Variants in TEX9 observed in about 807,000 individuals in gnomAD.
TEX9 encodes the protein testis-expressed protein 9.
TEX9 carries 74 observed loss-of-function variants against 59.6 expected under a neutral mutation model. That is an observed-to-expected ratio of 1.24 (90% CI 1.03 to 1.51). TEX9 has a LOEUF of 1.51. TEX9 is among the 40% of genes most tolerant of loss of function. The pLI is 0.00. For synonymous variants in TEX9, 186 were observed against 152.2 expected (o/e 1.22, Z -1.64); for missense variants, 522 against 447.8 (o/e 1.17, Z -1.49).
intron 7 of TEX9, 92 bp from the exon 8 acceptor site, chr15:56,394,073 A>G: frequency 1.7e-6 from 2 of 1,205,546 alleles, no homozygotes; most frequent in Non-Finnish European, 2.3e-6. Flanking sequence ...CATCTTGAGT[A>G]TTTTCTTCTT....
intron 10 of TEX9, among the ~76,000 whole-genome samples, chr15:56,422,008 T>C (rs1370425858): frequency 6.7e-6 from 1 of 148,340 alleles, no homozygotes; most frequent in Admixed American, 6.8e-5. Flanking sequence ...GGTCAAATGG[T>C]ATTTCTAGTT....
At chr15:56,310,793 C>T (rs1157174100) in intron 1 of TEX9, among the ~76,000 whole-genome samples, 1 of 152,150 alleles carries the variant, frequency 6.6e-6, no homozygotes, top group Non-Finnish European at 1.5e-5. Context: ...GCAGCTAATC[C>T]AACTGGAGAT....
At chr15:56,411,110 C>T (rs1431530818) in intron 9 of TEX9, among the ~76,000 whole-genome samples, 1 of 152,172 alleles carries the variant, frequency 6.6e-6, no homozygotes, top group Non-Finnish European at 1.5e-5. Flanking sequence ...TTCATCATTT[C>T]AACTCTATAA....
intron 9 of TEX9, among the ~76,000 whole-genome samples, chr15:56,399,264 C>T (rs1239972218): frequency 1.5e-4 from 23 of 152,354 alleles, no homozygotes; most frequent in East Asian, 5.8e-4. Flanking sequence ...CCAAATACTG[C>T]GCTTTTCCCA....
At chr15:56,293,783 G>A (rs1371758209) in intron 1 of TEX9, among the ~76,000 whole-genome samples, 1 of 152,210 alleles carries the variant, frequency 6.6e-6, no homozygotes, top group Non-Finnish European at 1.5e-5. Flanking sequence ...GTCTCACATT[G>A]TGGCTGGAAG....
At chr15:56,385,541 A>C (rs1045564151) in intron 4 of TEX9, among the ~76,000 whole-genome samples, 2 of 152,150 alleles carry the variant, frequency 1.3e-5, no homozygotes, top group African/African-American at 4.8e-5. Flanking sequence ...GACAGTGTTA[A>C]AGTAACCCAT....
At chr15:56,448,223 ACTGT>A (rs1475244153), downstream of TEX9, among the ~76,000 whole-genome samples, 1 of 152,172 alleles carries the variant, frequency 6.6e-6, no homozygotes, top group African/African-American at 2.4e-5. Flanking sequence ...AAGCTGCCAA[ACTGT>A]CTACTAAAGT....
chr15:56,412,529 TG>T, intron 10 of TEX9, 93 bp downstream of exon 10: 4 of 1,315,778 alleles, frequency 3.0e-6, no homozygotes, highest in Non-Finnish European at 4.2e-6. Context: ...TTATAATTCT[TG>T]ATGTCATGCT....
downstream of TEX9, among the ~76,000 whole-genome samples, chr15:56,450,462 G>A (rs1372268877): frequency 1.3e-5 from 2 of 151,886 alleles, no homozygotes; most frequent in Admixed American, 1.3e-4. Flanking sequence ...TCTGCATTTT[G>A]TCTATTTGCC....
chr15:56,369,072 A>G (rs183988599), intron 2 of TEX9, among the ~76,000 whole-genome samples: 231 of 151,982 alleles, frequency 1.5e-3, no homozygotes, highest in Middle Eastern at 6.8e-3. Flanking sequence ...GTTTTGATGT[A>G]TATTTCTTTT....
the TEX9 span, among the ~76,000 whole-genome samples, chr15:56,459,756 C>T: frequency 1.3e-5 from 2 of 151,006 alleles, no homozygotes; most frequent in African/African-American, 4.9e-5. Context: ...TTTGGGAGGC[C>T]GAAGAGGACA....
At chr15:56,369,480 C>T (rs542552322) in intron 2 of TEX9, among the ~76,000 whole-genome samples, 42 of 152,040 alleles carry the variant, frequency 2.8e-4, no homozygotes, top group African/African-American at 9.9e-4. Flanking sequence ...CAGGCATGTG[C>T]TAACATGCCT....
intron 1 of TEX9, among the ~76,000 whole-genome samples, chr15:56,341,394 G>A (rs554680829): frequency 3.9e-5 from 6 of 152,248 alleles, no homozygotes; most frequent in African/African-American, 1.2e-4. Flanking sequence ...CTGCTTTAAC[G>A]TATCTTGAAT....
intron 1 of TEX9, among the ~76,000 whole-genome samples, chr15:56,302,756 A>G (rs1339983837): frequency 6.6e-6 from 1 of 152,222 alleles, no homozygotes; most frequent in Non-Finnish European, 1.5e-5. Flanking sequence ...ATCAAAAGAC[A>G]TGGAGTGGCT....
chr15:56,366,588 T>A (rs2046955870), intron 2 of TEX9, among the ~76,000 whole-genome samples: 1 of 152,208 alleles, frequency 6.6e-6, no homozygotes, highest in African/African-American at 2.4e-5. Flanking sequence ...AATTTCCTTT[T>A]TGTCTGTCTC....
intron 12 of TEX9, chr15:56,434,334 A>G: frequency 6.2e-7 from 1 of 1,613,538 alleles, no homozygotes. Context: ...CTTCAAGGCC[A>G]TTTGTTCTTC....
intron 9 of TEX9, among the ~76,000 whole-genome samples, chr15:56,404,720 T>A (rs1475455732): frequency 1.3e-5 from 2 of 152,140 alleles, no homozygotes; most frequent in Non-Finnish European, 2.9e-5. Context: ...TAGCAAAGAC[T>A]TGGAACCAAC....
At chr15:56,457,742 G>A in the TEX9 span, among the ~76,000 whole-genome samples, 1 of 151,846 alleles carries the variant, frequency 6.6e-6, no homozygotes, top group African/African-American at 2.4e-5. Context: ...CGGAGACCAG[G>A]AGTTCAAGGC....
chr15:56,261,074 A>G (rs554818913), intron 1 of TEX9, among the ~76,000 whole-genome samples: 18 of 151,880 alleles, frequency 1.2e-4, no homozygotes, highest in African/African-American at 4.1e-4. Context: ...ATCTGTAGGG[A>G]TATTGCCCTT....
Sources: gnomAD v4.1 joint callset for allele counts (sites outside exome capture counted in the v4.1 genomes callset) on GRCh38, gnomAD v4.1.1 for gene constraint, MANE v1.5 for transcripts, NCBI Gene and HGNC (gene_info 2026-07-23, HGNC 2026-07-21) for gene names.